The following SCAMP1 variants were observed in gnomAD, a reference collection of about 807,000 sequenced individuals.
SCAMP1 encodes the protein secretory carrier membrane protein 1, also known as secretory carrier-associated membrane protein 1.
SCAMP1 carries 15 observed loss-of-function variants against 41.8 expected under a neutral mutation model. The ratio of observed to expected loss-of-function variants is 0.36; its 90% CI spans 0.24 to 0.55. The LOEUF is 0.55. Among genes scored for constraint, SCAMP1 ranks in the 20% least tolerant of loss-of-function variants. The pLI is 0.86. For synonymous variants in SCAMP1, 135 were observed against 136.8 expected (o/e 0.99, Z 0.09); for missense variants, 341 against 412.6 (o/e 0.83, Z 1.50).
rs201409866 is a variant in SCAMP1 at position 78,400,001 on chromosome 5, GC to G, written c.135+11088del. 8.4e-3 allele frequency among the ~76,000 whole-genome samples: 1,278 copies of G among 152,242 alleles called. 19 individuals are homozygous for G. The highest frequency in any genetic ancestry group is 0.029 in the African/African-American group (1,193 of 41,522). On this transcript the variant is annotated intron_variant, in intron 2 of 8. Transcript: ENST00000621999. ...GACAGGGTTTTGCTGTGTTGCTCAGGCTGGTCTTGAACTCTTAAGCTCAAGG... is the reference window on the plus strand; with the variant it reads ...GACAGGGTTTTGCTGTGTTGCTCAGGTGGTCTTGAACTCTTAAGCTCAAGG...
intron 8 of SCAMP1, among the ~76,000 whole-genome samples, chr5:78,461,257 A>G (rs575347936): frequency 4.5e-4 from 69 of 152,320 alleles, no homozygotes; most frequent in Admixed American, 3.8e-3. Context: ...GTCTAGGCCA[A>G]TGTCTAGAAG....
chr5:78,433,764 G>A (rs1752678503), intron 6 of SCAMP1, among the ~76,000 whole-genome samples: 1 of 152,084 alleles, frequency 6.6e-6, no homozygotes, highest in African/African-American at 2.4e-5. Flanking sequence ...AGCATGGTGG[G>A]CATGTTGGGG....
In SCAMP1 at chr5:78,475,520, G is replaced by A; in HGVS notation, c.869G>A (p.Arg290His). Residue 290 changes from arginine (R) to histidine (H), a missense_variant, in exon 9 of 9, where the codon CGC becomes CAC. Coordinates refer to ENST00000621999, the MANE Select transcript of SCAMP1 (RefSeq NM_004866.6). ...CCTCTGTAGGTACATGGACTATATC[G>A]CACAACAGGTGCTAGTTTTGAGAAG... ...VMFKKVHGLY[R>H]TTGASFEKAQ... 2 of 1,607,222 alleles carry A rather than the reference G, an allele frequency of 1.2e-6. No individual in the cohort carries two copies. The highest frequency in any genetic ancestry group is 1.3e-5 in the African/African-American group (1 of 74,616).
intron 2 of SCAMP1, among the ~76,000 whole-genome samples, chr5:78,410,024 T>C (rs1241301273): frequency 1.3e-5 from 2 of 152,164 alleles, no homozygotes; most frequent in African/African-American, 4.8e-5. Flanking sequence ...AAGATCTTTA[T>C]TACTGATCAA....
intron 6 of SCAMP1, among the ~76,000 whole-genome samples, chr5:78,422,210 T>C (rs1488191451): frequency 6.6e-6 from 1 of 152,090 alleles, no homozygotes; most frequent in Admixed American, 6.6e-5. Flanking sequence ...AGAACAGTCT[T>C]AGAAGTTAAT....
intron 6 of SCAMP1, among the ~76,000 whole-genome samples, chr5:78,426,608 C>T (rs1193884525): frequency 6.6e-6 from 1 of 152,098 alleles, no homozygotes; most frequent in East Asian, 1.9e-4. Context: ...ATATCTTTTG[C>T]CCAATTCAAT....
intron 3 of SCAMP1, 81 bp downstream of exon 3, chr5:78,415,699 T>C (rs1752194122): frequency 1.2e-6 from 1 of 860,136 alleles, no homozygotes; most frequent in Non-Finnish European, 1.8e-6. Flanking sequence ...AATAAATCTT[T>C]ATATGGTTAC....
intron 8 of SCAMP1, among the ~76,000 whole-genome samples, chr5:78,460,594 T>TGC (rs1554047008): frequency 8.4e-5 from 1 of 11,946 alleles, no homozygotes; most frequent in Admixed American, 3.4e-4. Context: ...TTAATGGGGT[T>TGC]TTTTTTTTCT....
chr5:78,390,657 C>CTTTTTTTTTTTTTTTTTT (rs1003765684), intron 2 of SCAMP1, among the ~76,000 whole-genome samples: 1 of 137,478 alleles, frequency 7.3e-6, no homozygotes. Flanking sequence ...ATTTTTTTTT[C>CTTTTTTTTTTTTTTTTTT]TTTTTTTTTT....
chr5:78,469,181 G>T (rs944998068), intron 8 of SCAMP1, among the ~76,000 whole-genome samples: 12 of 152,054 alleles, frequency 7.9e-5, no homozygotes, highest in Admixed American at 3.3e-4. Flanking sequence ...CTTCCACTTT[G>T]TAACTTTATT....
In SCAMP1 at chr5:78,430,140, C is replaced by CTGT. The variant is rs1561272854; in HGVS notation, c.632+8180_632+8181insTGT. Among the ~76,000 whole-genome samples, 8 of 48,392 alleles carry CTGT rather than the reference C, an allele frequency of 1.7e-4. 1 individual carries two copies. Among genetic ancestry groups the CTGT allele is most frequent in the African/African-American group, 5.2e-4 (7 of 13,578 alleles). The allele number at this position is 48,392 out of a possible 152,430, so 31.7% of individuals were successfully genotyped here. ...TAAATACAGTATTTATTTATAAATACAGTATTTATTTATAAATACAGTATT... is the reference window on the plus strand; with the variant it reads ...TAAATACAGTATTTATTTATAAATACTGTAGTATTTATTTATAAATACAGTATT... On this transcript the variant is annotated intron_variant, in intron 6 of 8. Transcript: ENST00000621999.
intron 2 of SCAMP1, among the ~76,000 whole-genome samples, chr5:78,391,290 C>G (rs1751490587): frequency 6.6e-6 from 1 of 150,408 alleles, no homozygotes; most frequent in Non-Finnish European, 1.5e-5. Flanking sequence ...GGCTGACCCC[C>G]CCACCTCCCT....
chr5:78,410,986 G>A (rs893072027), intron 2 of SCAMP1, among the ~76,000 whole-genome samples: 2 of 151,642 alleles, frequency 1.3e-5, no homozygotes, highest in Non-Finnish European at 2.9e-5. Flanking sequence ...CTTTTTAATG[G>A]CATTTTTTTC....
At chr5:78,384,174 T>G (rs1751282403) in intron 1 of SCAMP1, among the ~76,000 whole-genome samples, 1 of 86,176 alleles carries the variant, frequency 1.2e-5, no homozygotes, top group Non-Finnish European at 3.0e-5. Flanking sequence ...TTCCCAAGTT[T>G]TTTTTCTTTT....
chr5:78,421,617 G>C (rs1752341598), intron 5 of SCAMP1, among the ~76,000 whole-genome samples, 184 bp from the exon 6 acceptor site: 1 of 152,158 alleles, frequency 6.6e-6, no homozygotes, highest in Non-Finnish European at 1.5e-5. Flanking sequence ...TCGCTTTCCT[G>C]TGTATACTCT....
At chr5:78,377,826 T>G (rs569395141) in intron 1 of SCAMP1, among the ~76,000 whole-genome samples, 4 of 152,300 alleles carry the variant, frequency 2.6e-5, no homozygotes, top group East Asian at 3.9e-4. Flanking sequence ...TTAAGCACTT[T>G]ACATGTAGTA....
intron 8 of SCAMP1, 145 bp downstream of exon 8, chr5:78,459,507 A>C: frequency 1.8e-6 from 1 of 563,220 alleles, no homozygotes; most frequent in Non-Finnish European, 3.2e-6. Flanking sequence ...TTTACAATTA[A>C]AAGTTATGCA....
chr5:78,480,596 C>T lies in SCAMP1; in HGVS notation c.*4928C>T, dbSNP rs1754118510. Among the ~76,000 whole-genome samples the T allele has an allele frequency of 1.3e-5, 2 of 152,136 alleles. No homozygotes were observed. The highest frequency in any genetic ancestry group is 1.3e-4 in the Admixed American group (2 of 15,274). On this transcript the variant is annotated 3_prime_UTR_variant, in exon 9 of 9. Coordinates refer to ENST00000621999, the MANE Select transcript of SCAMP1 (RefSeq NM_004866.6). Reference sequence around the variant, plus strand: ...TGTGGTATCTACAGTATTCTAGTCTCCTGCACAAAAACTGAACCCACTGGG... The same window carrying T: ...TGTGGTATCTACAGTATTCTAGTCTTCTGCACAAAAACTGAACCCACTGGG...
chr5:78,395,411 A>G (rs1023939949), intron 2 of SCAMP1, among the ~76,000 whole-genome samples: 12 of 152,312 alleles, frequency 7.9e-5, no homozygotes, highest in East Asian at 5.8e-4. Context: ...ATCCCCTTCA[A>G]TGGATCCAGA....
Sources: gnomAD v4.1 joint callset for allele counts (sites outside exome capture counted in the v4.1 genomes callset) on GRCh38, gnomAD v4.1.1 for gene constraint, MANE v1.5 for transcripts, NCBI Gene and HGNC (gene_info 2026-07-23, HGNC 2026-07-21) for gene names.